The following CDH3 variants were observed in gnomAD, a reference collection of about 807,000 sequenced individuals.
CDH3 encodes cadherin 3.
CDH3 carries 54 observed loss-of-function variants against 82.0 expected under a neutral mutation model. The observed-to-expected ratio is 0.66, with a 90% CI of 0.53 to 0.83. CDH3 has a LOEUF of 0.83. CDH3 is among the 40% of genes least tolerant of loss of function. The probability of loss-of-function intolerance (pLI) is 0.00; values close to 1 mark genes in which losing one functional copy is unlikely to be tolerated. For synonymous variants in CDH3, 446 were observed against 437.9 expected, an observed-to-expected ratio of 1.02 and a Z score of -0.23; for missense variants, 1,054 against 1,084.6, an observed-to-expected ratio of 0.97 and a Z score of 0.40.
chr16:68,679,956 C>T lies in CDH3; in HGVS notation c.849C>T (p.Ser283=). The change falls in exon 7 of 16, where the codon TCC becomes TCT. Residue 283 remains serine (S), a synonymous_variant. Coordinates refer to ENST00000264012, the MANE Select transcript of CDH3 (RefSeq NM_001793.6). The part of the protein sequence containing the change: ...HRSTGTISVI[S]SGLDREKVPE... ...GCACAGGCACCATCAGCGTCATCTC[C>T]AGTGGCCTGGACCGGGAAGTGAGTG... 1.2e-6 allele frequency: 2 copies of T among 1,614,204 alleles called. No homozygotes were observed. The highest frequency in any genetic ancestry group is 1.7e-6 in the Non-Finnish European group (2 of 1,180,030).
downstream of CDH3, among the ~76,000 whole-genome samples, chr16:68,700,793 G>T (rs1961882763): frequency 6.6e-6 from 1 of 152,192 alleles, no homozygotes; most frequent in South Asian, 2.1e-4. Flanking sequence ...GGTGGAGGTT[G>T]CAGTGAGCCG....
At position 68,687,716 on chromosome 16, in the gene CDH3, C is replaced by T. The variant is rs145851551; in HGVS notation, c.1775C>T (p.Thr592Met). 108 of 1,613,576 alleles carry T rather than the reference C, an allele frequency of 6.7e-5. No individual in the cohort carries two copies. In the East Asian group the frequency reaches 8.5e-4, roughly 13 times the overall value. ...ACAGATGACTCAGACATCTACTGGACGGCAGAGGTCAACGAGGAAGGTACC... is the reference window on the plus strand; with the variant it reads ...ACAGATGACTCAGACATCTACTGGATGGCAGAGGTCAACGAGGAAGGTACC... ...QLTDDSDIYW[T>M]AEVNEEGDTV... The change falls in exon 12 of 16, where the codon ACG becomes ATG. Residue 592 changes from threonine to methionine, a missense_variant. Coordinates refer to ENST00000264012, the MANE Select transcript of CDH3 (RefSeq NM_001793.6).
chr16:68,651,758 C>T, intron 2 of CDH3: 1 of 502,138 alleles, frequency 2.0e-6, no homozygotes, highest in Non-Finnish European at 4.0e-6. Context: ...CTGGCTGCAG[C>T]TCGTTCATGA....
chr16:68,656,190 G>A (rs1367456363), intron 2 of CDH3, among the ~76,000 whole-genome samples: 1 of 152,050 alleles, frequency 6.6e-6, no homozygotes, highest in Non-Finnish European at 1.5e-5. Flanking sequence ...AAGTGTTTGG[G>A]GAAATCCCAG....
At chr16:68,692,455 AG>A (rs1961604951) in intron 13 of CDH3, among the ~76,000 whole-genome samples, 1 of 152,228 alleles carries the variant, frequency 6.6e-6, no homozygotes, top group Admixed American at 6.5e-5. Context: ...CCCTGCCATC[AG>A]GTCATCTGGA....
chr16:68,719,600 C>T (rs1224365785), intron 1 of CDH3, among the ~76,000 whole-genome samples: 10 of 151,022 alleles, frequency 6.6e-5, no homozygotes, highest in Admixed American at 4.0e-4. Flanking sequence ...CTCTGCCTCC[C>T]GGGTTCAAGC....
intron 13 of CDH3, 39 bp from the exon 14 acceptor site, chr16:68,695,216 G>C: frequency 6.2e-7 from 1 of 1,612,700 alleles, no homozygotes; most frequent in South Asian, 1.1e-5. Context: ...CCCACTGTGT[G>C]GTTACAGAGG....
chr16:68,685,169 A>G, intron 10 of CDH3, 36 bp from the exon 11 acceptor site: 1 of 1,612,462 alleles, frequency 6.2e-7, no homozygotes, highest in Non-Finnish European at 8.5e-7. Flanking sequence ...AATTCTAAAT[A>G]TTCTGGATGT....
intron 2 of CDH3, among the ~76,000 whole-genome samples, chr16:68,666,990 G>A (rs979890099): frequency 6.6e-6 from 1 of 152,024 alleles, no homozygotes; most frequent in Non-Finnish European, 1.5e-5. Context: ...ACAATTCCTG[G>A]GTCAATGGGC....
rs10590233 is a variant in CDH3 at position 68,669,616 on chromosome 16, C to CG, written c.161-6761dup. On this transcript the variant is annotated intron_variant, in intron 2 of 15. Transcript: ENST00000264012. ...GGATTTCTAGCTCCTGGTGGGGTGG[C>CG]GGGGGGGGTGGGCGGTAGCAGCTCT... is the stretch of plus-strand genomic sequence containing the variant. 5.0e-3 allele frequency among the ~76,000 whole-genome samples: 631 copies of CG among 125,518 alleles called. 2 individuals are homozygous for CG. The highest frequency in any genetic ancestry group is 9.5e-3 in the African/African-American group (333 of 35,132). The allele number at this position is 125,518 out of a possible 152,430, so 82.3% of individuals were successfully genotyped here. A position where few individuals can be genotyped will look rare whatever the true frequency, so the allele number is the denominator to read the frequency against.
In CDH3 at chr16:68,687,722, A is replaced by G; in HGVS notation, c.1781A>G (p.Glu594Gly). ...GACTCAGACATCTACTGGACGGCAG[A>G]GGTCAACGAGGAAGGTACCTGAGTG... is the stretch of plus-strand genomic sequence containing the variant. ...TDDSDIYWTA[E>G]VNEEGDTVVL... The change falls in exon 12 of 16, where the codon GAG becomes GGG. Residue 594 changes from glutamate (E) to glycine (G), a missense_variant. Glu to Gly is a moderately conservative substitution (Grantham distance 98, BLOSUM62 -2). Transcript: ENST00000264012. The G allele has an allele frequency of 6.2e-7, 1 of 1,613,734 alleles. No homozygotes were observed. Among genetic ancestry groups the G allele is most frequent in the Non-Finnish European group, 8.5e-7 (1 of 1,179,736 alleles).
chr16:68,695,484 A>G, intron 14 of CDH3, 99 bp downstream of exon 14: 1 of 1,241,660 alleles, frequency 8.1e-7, no homozygotes, highest in Admixed American at 2.0e-5. Flanking sequence ...TGTGTTGACC[A>G]GGCCCTGGCA....
At chr16:68,731,525 C>A (rs1318318126), downstream of CDH3, among the ~76,000 whole-genome samples, 1 of 56,554 alleles carries the variant, frequency 1.8e-5, no homozygotes, top group Non-Finnish European at 5.2e-5. Context: ...TACACACACA[C>A]ACACACACAC....
intron 1 of CDH3, among the ~76,000 whole-genome samples, chr16:68,721,415 G>A (rs569516965): frequency 6.6e-6 from 1 of 151,788 alleles, no homozygotes; most frequent in Non-Finnish European, 1.5e-5. Context: ...TGTATTTTTA[G>A]TAGAGACGGG....
At chr16:68,692,038 C>G (rs1426141445) in intron 13 of CDH3, 112 bp downstream of exon 13, 10 of 774,712 alleles carry the variant, frequency 1.3e-5, no homozygotes, top group Non-Finnish European at 2.1e-5. Flanking sequence ...CCCGTCCACT[C>G]CTTAAACATT....
intron 2 of CDH3, among the ~76,000 whole-genome samples, chr16:68,726,632 G>A (rs1962222483): frequency 6.7e-6 from 1 of 148,780 alleles, no homozygotes; most frequent in African/African-American, 2.5e-5. Flanking sequence ...AGGCTGGAGT[G>A]CAGTGGTGTG....
chr16:68,680,919 A>G (rs778659319), intron 7 of CDH3, 49 bp from the exon 8 acceptor site: 2 of 1,611,186 alleles, frequency 1.2e-6, no homozygotes, highest in East Asian at 2.2e-5. Flanking sequence ...CAGGGGAGGG[A>G]CCCTTCAGAT....
chr16:68,729,226 ACCCGGGAGGCGGAG>A (rs1488196834), downstream of CDH3, among the ~76,000 whole-genome samples: 1 of 152,024 alleles, frequency 6.6e-6, no homozygotes, highest in East Asian at 1.9e-4. Flanking sequence ...AATTGCTTGA[ACCCGGGAGGCGGAG>A]GTTGCAGTGA....
rs1188033726 is a variant in CDH3, at chr16:68,684,721, G to C, written c.1321G>C (p.Val441Leu). The part of the protein sequence containing the change: ...VEDVNEAPVF[V>L]PPSKVVEVQE... ...GGATGTGAATGAGGCACCTGTGTTT[G>C]TCCCACCCTCCAAAGTCGTTGAGGT... The change falls in exon 10 of 16, where the codon GTC becomes CTC. Residue 441 changes from valine (V) to leucine (L), a missense_variant. Coordinates refer to ENST00000264012, the MANE Select transcript of CDH3 (RefSeq NM_001793.6). The C allele has an allele frequency of 1.2e-5, 20 of 1,614,180 alleles. No homozygotes were observed. The highest frequency in any genetic ancestry group is 1.6e-5 in the Non-Finnish European group (19 of 1,180,034).
Sources: allele counts gnomAD v4.1 joint callset (sites outside exome capture counted in the v4.1 genomes callset), GRCh38; gene constraint gnomAD v4.1.1; transcripts MANE v1.5; gene names NCBI Gene and HGNC (gene_info 2026-07-23, HGNC 2026-07-21).